VPS41: variants seen among roughly 807,000 people sequenced by gnomAD.
The protein encoded by VPS41 is vacuolar protein sorting-associated protein 41 homolog.
A neutral mutation model predicts 130.9 loss-of-function variants in VPS41; 85 were observed. The ratio of observed to expected loss-of-function variants is 0.65; its 90% CI spans 0.55 to 0.78. VPS41 has a LOEUF of 0.78. Ranked by LOEUF, VPS41 falls within the 30% of genes least tolerant of loss-of-function variation. The pLI, the probability that VPS41 is intolerant of heterozygous loss-of-function variation, is 0.00. For synonymous variants in VPS41, 335 were observed against 332.9 expected (o/e 1.01, Z -0.07); for missense variants, 874 against 1,018.7 (o/e 0.86, Z 1.93).
chr7:38,785,175 A>G (rs1055101088), intron 10 of VPS41, among the ~76,000 whole-genome samples: 1 of 152,234 alleles, frequency 6.6e-6, no homozygotes, highest in African/African-American at 2.4e-5. Flanking sequence ...AGACTTTTCA[A>G]TAAGTTTAGA....
Position 38,785,982 on chromosome 7 carries a change from T to C in VPS41, c.784+3819A>G, listed in dbSNP as rs138183871. ...AAAATAAAAAAACAAATCTACTGCA[T>C]TTCCATTTCATCTGGCAGTTCCTAG... On this transcript the variant is annotated intron_variant, in intron 10 of 28. Coordinates refer to ENST00000310301, the MANE Select transcript of VPS41 (RefSeq NM_014396.4). 5.6e-4 allele frequency among the ~76,000 whole-genome samples: 86 copies of C among 152,340 alleles called. 1 individual carries two copies. In the East Asian group the frequency reaches 0.011, roughly 20 times the overall value.
chr7:38,797,316 CAAA>C (rs1784641323), intron 7 of VPS41, among the ~76,000 whole-genome samples: 2 of 152,152 alleles, frequency 1.3e-5, no homozygotes, highest in Admixed American at 1.3e-4. Context: ...TCATTTGACT[CAAA>C]TAATTGAACA....
At chr7:38,848,757 G>A (rs947347436) in intron 4 of VPS41, among the ~76,000 whole-genome samples, 1 of 152,160 alleles carries the variant, frequency 6.6e-6, no homozygotes, top group African/African-American at 2.4e-5. Context: ...TGGCCTGCGT[G>A]CAGTGCTGCC....
chr7:38,756,751 C>A, intron 19 of VPS41, 87 bp downstream of exon 19: 1 of 1,011,796 alleles, frequency 9.9e-7, no homozygotes, highest in Non-Finnish European at 1.4e-6. Context: ...GATTCATTCA[C>A]CAATCCAGCA....
chr7:38,862,644 C>A, intron 3 of VPS41, 22 bp from the exon 4 acceptor site: 1 of 1,505,456 alleles, frequency 6.6e-7, no homozygotes, highest in South Asian at 1.2e-5. Context: ...ACAAAGAGGC[C>A]AGTTAATTAA....
In VPS41 at chr7:38,873,198, AT is replaced by A. The variant is rs757461101; in HGVS notation, c.61-3946del. On this transcript the variant is annotated intron_variant, in intron 2 of 28. Transcript: ENST00000310301. ...CCATAAATAAAATGAAAACTCCAAT[AT>A]TAGGCATTTGATGTATCATTTCACG... 9.9e-4 allele frequency among the ~76,000 whole-genome samples: 150 copies of A among 152,186 alleles called. 5 individuals carry two copies. Among genetic ancestry groups the A allele is most frequent in the Middle Eastern group, 3.2e-3 (1 of 316 alleles).
intron 5 of VPS41, among the ~76,000 whole-genome samples, chr7:38,825,516 T>A (rs1450582314): frequency 6.6e-6 from 1 of 152,112 alleles, no homozygotes; most frequent in Non-Finnish European, 1.5e-5. Flanking sequence ...GTAAAGGGAA[T>A]CCCTCCGCTT....
chr7:38,814,739 A>G (rs1486931782), intron 7 of VPS41, among the ~76,000 whole-genome samples: 3 of 152,140 alleles, frequency 2.0e-5, no homozygotes, highest in South Asian at 2.1e-4. Flanking sequence ...GGACATCAAC[A>G]CTCATATTAT....
At chr7:38,886,995 G>T (rs1222756538) in intron 2 of VPS41, among the ~76,000 whole-genome samples, 1 of 152,162 alleles carries the variant, frequency 6.6e-6, no homozygotes, top group African/African-American at 2.4e-5. Context: ...AAACAAAAAG[G>T]ACATCAACAC....
intron 3 of VPS41, among the ~76,000 whole-genome samples, chr7:38,864,755 T>C (rs2116320960): frequency 6.6e-6 from 1 of 151,736 alleles, no homozygotes; most frequent in South Asian, 2.1e-4. Flanking sequence ...AATTATTGAG[T>C]TTTGTTTCTT....
At chr7:38,773,773 T>C (rs912710522) in intron 12 of VPS41, among the ~76,000 whole-genome samples, 1 of 152,086 alleles carries the variant, frequency 6.6e-6, no homozygotes, top group African/African-American at 2.4e-5. Context: ...ACACATAAAA[T>C]GGGAGTGATA....
At chr7:38,818,002 T>C (rs1182377619) in intron 6 of VPS41, 120 bp from the exon 7 acceptor site, 2 of 739,530 alleles carry the variant, frequency 2.7e-6, no homozygotes, top group South Asian at 3.1e-5. Flanking sequence ...TGGTAGGAAG[T>C]AATATATTCA....
At chr7:38,818,887 C>T (rs1390416361) in intron 6 of VPS41, among the ~76,000 whole-genome samples, 2 of 152,108 alleles carry the variant, frequency 1.3e-5, no homozygotes, top group Non-Finnish European at 2.9e-5. Context: ...GGAATAGATT[C>T]CTCTTCCTAC....
chr7:38,746,812 C>T (rs760992074), intron 22 of VPS41, among the ~76,000 whole-genome samples: 5 of 152,204 alleles, frequency 3.3e-5, no homozygotes, highest in Non-Finnish European at 5.9e-5. Flanking sequence ...CTGCTCACCT[C>T]TCCATTGCGT....
intron 17 of VPS41, among the ~76,000 whole-genome samples, chr7:38,760,554 C>T (rs868681594): frequency 6.6e-6 from 1 of 151,120 alleles, no homozygotes; most frequent in Admixed American, 6.6e-5. Flanking sequence ...TGCTTACTCT[C>T]CCCCTACTTA....
At chr7:38,804,276 A>T (rs1235994518) in intron 7 of VPS41, among the ~76,000 whole-genome samples, 4 of 152,158 alleles carry the variant, frequency 2.6e-5, no homozygotes, top group Non-Finnish European at 5.9e-5. Context: ...TTATTTTGTC[A>T]CCCAGGTATT....
chr7:38,727,088 C>T, intron 27 of VPS41, 100 bp from the exon 28 acceptor site: 2 of 1,137,578 alleles, frequency 1.8e-6, no homozygotes, highest in Non-Finnish European at 2.4e-6. Flanking sequence ...TAATTTTCAG[C>T]AATAAGGTGC....
chr7:38,826,949 G>A (rs527837828), intron 5 of VPS41, among the ~76,000 whole-genome samples: 2 of 152,032 alleles, frequency 1.3e-5, no homozygotes. Context: ...CTCCCGAGTA[G>A]CTGGGACTAC....
chr7:38,774,298 A>G, intron 11 of VPS41, 54 bp from the exon 12 acceptor site: 1 of 1,471,414 alleles, frequency 6.8e-7, no homozygotes. Flanking sequence ...TATATATCAT[A>G]CAAATTAATT....
Sources: gnomAD v4.1 joint callset for allele counts (sites outside exome capture counted in the v4.1 genomes callset) on GRCh38, gnomAD v4.1.1 for gene constraint, MANE v1.5 for transcripts, NCBI Gene and HGNC (gene_info 2026-07-23, HGNC 2026-07-21) for gene names.